IQCJ: variants seen among roughly 807,000 people sequenced by gnomAD.
The protein encoded by IQCJ is IQ motif containing J, also known as IQ domain-containing protein J.
A neutral mutation model predicts 11.0 loss-of-function variants in IQCJ; 9 were observed. The observed-to-expected ratio is 0.82, with a 90% CI of 0.49 to 1.43. The LOEUF (loss-of-function observed/expected upper bound fraction) is 1.43, where lower values mean the gene tolerates loss of function less well. Ranked by LOEUF, IQCJ falls within the 40% of genes most tolerant of loss-of-function variation. The pLI is 0.00. For missense variants in IQCJ, 146 were observed against 133.2 expected, an observed-to-expected ratio of 1.10 and a Z score of -0.47; for synonymous variants, 55 against 51.3, an observed-to-expected ratio of 1.07 and a Z score of -0.31.
At chr3:159,182,644 G>T (rs56371472) in intron 1 of IQCJ, among the ~76,000 whole-genome samples, 2 of 151,902 alleles carry the variant, frequency 1.3e-5, no homozygotes, top group Admixed American at 6.5e-5. Flanking sequence ...CAAGCAGGGG[G>T]TACGTGACTG....
chr3:159,081,719 C>T (rs575868529), intron 1 of IQCJ, among the ~76,000 whole-genome samples: 17 of 152,090 alleles, frequency 1.1e-4, no homozygotes, highest in Non-Finnish European at 1.3e-4. Context: ...CTTCCGAATA[C>T]GACTTTTTCC....
chr3:159,253,050 G>A (rs2108215597), intron 3 of IQCJ, among the ~76,000 whole-genome samples: 1 of 152,082 alleles, frequency 6.6e-6, no homozygotes, highest in East Asian at 1.9e-4. Flanking sequence ...TCCATTTCTT[G>A]TCTAGTACAA....
chr3:159,167,050 T>C (rs1339138628), intron 1 of IQCJ, among the ~76,000 whole-genome samples: 1 of 152,204 alleles, frequency 6.6e-6, no homozygotes, highest in African/African-American at 2.4e-5. Flanking sequence ...AAGGCTGCCA[T>C]TGATCAAACT....
intron 1 of IQCJ, among the ~76,000 whole-genome samples, chr3:159,194,207 T>C (rs1266456152): frequency 6.6e-6 from 1 of 152,174 alleles, no homozygotes; most frequent in Non-Finnish European, 1.5e-5. Context: ...ATGAAAATTG[T>C]GTGAGAGATT....
intron 1 of IQCJ, among the ~76,000 whole-genome samples, chr3:159,227,409 A>G (rs1018574228): frequency 3.9e-5 from 6 of 152,152 alleles, no homozygotes; most frequent in Admixed American, 6.5e-5. Context: ...ATTATTTTGT[A>G]TCGGGGATGG....
chr3:159,108,021 A>G (rs1036416213), intron 1 of IQCJ, among the ~76,000 whole-genome samples: 1 of 151,354 alleles, frequency 6.6e-6, no homozygotes, highest in South Asian at 2.1e-4. Context: ...AAAAAAAAAA[A>G]AAAAGAAAAA....
chr3:159,261,007 G>T (rs768929334), intron 3 of IQCJ, among the ~76,000 whole-genome samples: 2 of 152,082 alleles, frequency 1.3e-5, no homozygotes, highest in Non-Finnish European at 2.9e-5. Context: ...CTTGAGCATT[G>T]TAATTCCCAG....
At chr3:159,171,453 C>T (rs752852753) in intron 1 of IQCJ, among the ~76,000 whole-genome samples, 41 of 152,050 alleles carry the variant, frequency 2.7e-4, no homozygotes, top group Non-Finnish European at 5.0e-4. Flanking sequence ...TGGAACCCAC[C>T]CTAAAGATTC....
At chr3:159,069,572 T>C in intron 1 of IQCJ, 131 bp downstream of exon 1, 1 of 1,317,196 alleles carries the variant, frequency 7.6e-7, no homozygotes, top group Non-Finnish European at 1.0e-6. Context: ...TAGAACAGTG[T>C]GGGCTTAATT....
At chr3:159,220,690 C>A (rs1725483970) in intron 1 of IQCJ, among the ~76,000 whole-genome samples, 1 of 152,118 alleles carries the variant, frequency 6.6e-6, no homozygotes, top group South Asian at 2.1e-4. Flanking sequence ...AGGATCAGAA[C>A]AACAAAAATA....
chr3:159,126,493 C>T (rs1055990631), intron 1 of IQCJ, among the ~76,000 whole-genome samples: 1 of 152,204 alleles, frequency 6.6e-6, no homozygotes, highest in Admixed American at 6.5e-5. Flanking sequence ...ATGACCGTGT[C>T]CCCACAAGAC....
chr3:159,239,135 G>T (rs1309790086), intron 1 of IQCJ, among the ~76,000 whole-genome samples: 1 of 152,062 alleles, frequency 6.6e-6, no homozygotes, highest in African/African-American at 2.4e-5. Context: ...AACATGACTT[G>T]CTTATCCATC....
intron 1 of IQCJ, among the ~76,000 whole-genome samples, chr3:159,081,486 T>C (rs1716307667): frequency 6.6e-6 from 1 of 152,224 alleles, no homozygotes; most frequent in South Asian, 2.1e-4. Context: ...GATTTCTTTT[T>C]GTAGTTAATT....
chr3:159,120,760 AC>A (rs1719320796), intron 1 of IQCJ, among the ~76,000 whole-genome samples: 1 of 152,210 alleles, frequency 6.6e-6, no homozygotes, highest in Non-Finnish European at 1.5e-5. Flanking sequence ...AAAGTGGCTA[AC>A]AGTAAAGGGT....
chr3:159,104,714 CA>C (rs1718144136), intron 1 of IQCJ, among the ~76,000 whole-genome samples: 1 of 152,186 alleles, frequency 6.6e-6, no homozygotes, highest in African/African-American at 2.4e-5. Context: ...AAGATCTTTG[CA>C]ACTCCTGTTT....
intron 1 of IQCJ, among the ~76,000 whole-genome samples, chr3:159,074,441 C>G (rs1223706581): frequency 6.6e-6 from 1 of 151,976 alleles, no homozygotes; most frequent in East Asian, 1.9e-4. Context: ...TGTATAAGAA[C>G]CAGAAATGGA....
chr3:159,250,903 G>A (rs1308595949), intron 2 of IQCJ, among the ~76,000 whole-genome samples: 1 of 152,184 alleles, frequency 6.6e-6, no homozygotes. Flanking sequence ...TAATGTTCAT[G>A]TTCTCCTAGA....
intron 1 of IQCJ, among the ~76,000 whole-genome samples, chr3:159,206,764 A>AAGTC (rs1199664769): frequency 6.6e-6 from 1 of 152,066 alleles, no homozygotes; most frequent in Non-Finnish European, 1.5e-5. Context: ...CTTTTCCTGT[A>AAGTC]AGTCAGTCAG....
intron 1 of IQCJ, among the ~76,000 whole-genome samples, chr3:159,161,684 A>G (rs1721868572): frequency 6.6e-6 from 1 of 152,146 alleles, no homozygotes; most frequent in Non-Finnish European, 1.5e-5. Context: ...TAAGTTTTTA[A>G]TCCATCTTGA....
Sources: allele counts gnomAD v4.1 joint callset (sites outside exome capture counted in the v4.1 genomes callset), GRCh38; gene constraint gnomAD v4.1.1; transcripts MANE v1.5; gene names NCBI Gene and HGNC (gene_info 2026-07-23, HGNC 2026-07-21).